CEP83: variants seen among roughly 807,000 people sequenced by gnomAD.
CEP83 encodes centrosomal protein 83, also known as centrosomal protein of 83 kDa.
CEP83 carries 70 observed loss-of-function variants against 101.9 expected under a neutral mutation model. That is an observed-to-expected ratio of 0.69 (90% confidence interval 0.57 to 0.84). CEP83 has a LOEUF of 0.84. CEP83 is among the 40% of genes least tolerant of loss of function. The pLI, the probability that CEP83 is intolerant of heterozygous loss-of-function variation, is 0.00. For synonymous variants in CEP83, 264 were observed against 267.9 expected (o/e 0.99, Z 0.14); for missense variants, 715 against 787.2 (o/e 0.91, Z 1.10).
intron 15 of CEP83, chr12:94,312,682 T>C (rs1970054688): frequency 4.4e-5 from 43 of 985,382 alleles, no homozygotes; most frequent in Non-Finnish European, 5.2e-5. Flanking sequence ...AGTGACATTT[T>C]CTGTTAGTCC....
intron 13 of CEP83, among the ~76,000 whole-genome samples, chr12:94,332,459 A>C (rs1425005763): frequency 6.6e-6 from 1 of 152,196 alleles, no homozygotes; most frequent in Non-Finnish European, 1.5e-5. Flanking sequence ...CAAGATTTTA[A>C]GTATCTTAGC....
intron 1 of CEP83, among the ~76,000 whole-genome samples, chr12:94,445,323 T>C (rs148726217): frequency 1.3e-5 from 2 of 151,808 alleles, no homozygotes; most frequent in African/African-American, 4.8e-5. Flanking sequence ...CCACGCCATA[T>C]ACAAAAATAG....
At chr12:94,345,172 T>A (rs2059873776) in intron 11 of CEP83, among the ~76,000 whole-genome samples, 1 of 152,182 alleles carries the variant, frequency 6.6e-6, no homozygotes, top group East Asian at 1.9e-4. Context: ...TATTAATCTT[T>A]TAGAAGAAAA....
intron 14 of CEP83, among the ~76,000 whole-genome samples, chr12:94,327,326 A>G (rs2059012982): frequency 1.3e-5 from 2 of 152,118 alleles, no homozygotes; most frequent in Admixed American, 1.3e-4. Flanking sequence ...TTTATCTTTG[A>G]TAACTTTCTT....
Position 94,399,521 on chromosome 12 carries a change from G to A in CEP83, c.549+1329C>T, listed in dbSNP as rs549725430. ...GGCCAGTAGTCCGAGATCAGCTGGG[G>A]CAACATAGCAAGGCCCCATCTCTAC... is the stretch of plus-strand genomic sequence containing the variant. On this transcript the variant is annotated intron_variant, in intron 6 of 16. Transcript: ENST00000397809. Among the ~76,000 whole-genome samples the A allele has an allele frequency of 2.0e-5, 3 of 152,284 alleles. No homozygotes were observed. In the East Asian group the frequency reaches 5.8e-4, roughly 29 times the overall value.
chr12:94,414,524 C>G (rs1161518867), intron 2 of CEP83, among the ~76,000 whole-genome samples: 1 of 152,150 alleles, frequency 6.6e-6, no homozygotes, highest in Non-Finnish European at 1.5e-5. Flanking sequence ...TTTTTAGCAA[C>G]AAAGTACTTT....
At chr12:94,326,105 G>A (rs1305440876) in intron 14 of CEP83, among the ~76,000 whole-genome samples, 2 of 152,126 alleles carry the variant, frequency 1.3e-5, no homozygotes, top group Non-Finnish European at 1.5e-5. Flanking sequence ...TGACCCGTAA[G>A]AAGGGGAGGG....
chr12:94,455,510 G>C (rs192393545), intron 1 of CEP83, among the ~76,000 whole-genome samples: 12 of 152,298 alleles, frequency 7.9e-5, no homozygotes, highest in Admixed American at 6.5e-4. Context: ...ATCTTCAACT[G>C]AAGTAACTCT....
intron 11 of CEP83, among the ~76,000 whole-genome samples, chr12:94,339,959 T>C (rs1035743127): frequency 5.3e-5 from 8 of 152,170 alleles, no homozygotes; most frequent in Non-Finnish European, 1.0e-4. Context: ...TTTAAATTCT[T>C]GGGAGAAAAT....
chr12:94,366,698 G>A (rs1021065475), intron 11 of CEP83, among the ~76,000 whole-genome samples: 7 of 152,162 alleles, frequency 4.6e-5, no homozygotes, highest in Non-Finnish European at 8.8e-5. Context: ...TGACTCTCTA[G>A]TACCAATAAG....
the CEP83 span, among the ~76,000 whole-genome samples, chr12:94,266,119 CTGTGGCTTT>C: frequency 1.3e-5 from 2 of 152,166 alleles, no homozygotes; most frequent in African/African-American, 4.8e-5. Context: ...GCTGAGTCTT[CTGTGGCTTT>C]GCTCTGGATG....
At chr12:94,320,254 C>A (rs2058691661) in intron 14 of CEP83, among the ~76,000 whole-genome samples, 1 of 152,124 alleles carries the variant, frequency 6.6e-6, no homozygotes, top group Non-Finnish European at 1.5e-5. Context: ...TAAGATGGGT[C>A]TCTTGAAGAC....
intron 6 of CEP83, among the ~76,000 whole-genome samples, chr12:94,393,731 T>C (rs535219541): frequency 1.3e-5 from 2 of 152,330 alleles, no homozygotes; most frequent in South Asian, 4.1e-4. Context: ...AACTCCATCA[T>C]CTCAGCCCCA....
the CEP83 span, among the ~76,000 whole-genome samples, chr12:94,285,734 G>T: frequency 2.0e-5 from 3 of 152,264 alleles, no homozygotes; most frequent in Non-Finnish European, 4.4e-5. Flanking sequence ...GCTTATCATG[G>T]CATCAGTTCA....
chr12:94,437,337 T>G (rs992504269), intron 1 of CEP83, among the ~76,000 whole-genome samples: 2 of 152,136 alleles, frequency 1.3e-5, no homozygotes, highest in Non-Finnish European at 2.9e-5. Flanking sequence ...AGGGCAAGAC[T>G]TGGTCTAAAA....
rs1278109208 is a variant in CEP83, at chr12:94,308,574, T to C, written c.*239A>G. 5.5e-5 allele frequency: 16 copies of C among 290,658 alleles called. No individual in the cohort carries two copies. Among genetic ancestry groups the C allele is most frequent in the Admixed American group, 1.5e-4 (3 of 19,856 alleles). 18.0% of individuals were successfully genotyped at this position (290,658 alleles called of 1,614,324 possible). ...CTAACTAGTTCCTTTTTGTTTTACA[T>C]TCTCAAACCATTGTCAAATATTCTA... On this transcript the variant is annotated 3_prime_UTR_variant, in exon 17 of 17. Transcript: ENST00000397809.
intron 2 of CEP83, among the ~76,000 whole-genome samples, chr12:94,423,327 G>A (rs747133737): frequency 4.6e-5 from 7 of 152,046 alleles, no homozygotes; most frequent in Non-Finnish European, 1.0e-4. Flanking sequence ...CAAGTGATCC[G>A]CCCATCTCAG....
chr12:94,365,181 C>A (rs1432608516), intron 11 of CEP83, among the ~76,000 whole-genome samples: 1 of 151,638 alleles, frequency 6.6e-6, no homozygotes, highest in Non-Finnish European at 1.5e-5. Flanking sequence ...GCCAAAAAAA[C>A]CAAGTATAAT....
In CEP83 at chr12:94,425,994, C is replaced by T. The variant is rs192939038; in HGVS notation, c.-102+9281G>A. Among the ~76,000 whole-genome samples the T allele has an allele frequency of 3.1e-3, 464 of 151,970 alleles. 4 individuals are homozygous for T. The highest frequency in any genetic ancestry group is 4.2e-3 in the Non-Finnish European group (288 of 67,964). ...AAAATTAGCTGGGCGTGGTGACAGG[C>T]GCCTGTAGTCCCAGCTACTCGGGAG... On this transcript the variant is annotated intron_variant, in intron 2 of 16. Transcript: ENST00000397809.
Sources: gnomAD v4.1 joint callset for allele counts (sites outside exome capture counted in the v4.1 genomes callset) on GRCh38, gnomAD v4.1.1 for gene constraint, MANE v1.5 for transcripts, NCBI Gene and HGNC (gene_info 2026-07-23, HGNC 2026-07-21) for gene names.